The following IL1RAPL1 variants were observed in gnomAD, a reference collection of about 807,000 sequenced individuals.
The protein encoded by IL1RAPL1 is interleukin 1 receptor accessory protein like 1, also known as interleukin-1 receptor accessory protein-like 1.
Under a neutral mutation model 48.4 loss-of-function variants are expected in IL1RAPL1, and 3 were observed. The observed-to-expected ratio is 0.06, with a 90% confidence interval of 0.03 to 0.16. The LOEUF (loss-of-function observed/expected upper bound fraction) is 0.16, where lower values mean the gene tolerates loss of function less well. IL1RAPL1 is among the 10% of genes least tolerant of loss of function. The pLI, the probability that IL1RAPL1 is intolerant of heterozygous loss-of-function variation, is 1.00. For missense variants in IL1RAPL1, 349 were observed against 530.6 expected, an observed-to-expected ratio of 0.66 and a Z score of 3.36; for synonymous variants, 185 against 187.7, an observed-to-expected ratio of 0.99 and a Z score of 0.12.
intron 1 of IL1RAPL1, among the ~76,000 whole-genome samples, chrX:28,788,621 C>A (rs184676944): frequency 1.7e-3 from 163 of 95,943 alleles, no homozygotes; most frequent in African/African-American, 5.5e-3. Context: ...TGCACTCCAC[C>A]ACGCCCAGCT....
At chrX:29,121,314 C>A (rs746976981) in intron 2 of IL1RAPL1, among the ~76,000 whole-genome samples, 1 of 112,091 alleles carries the variant, frequency 8.9e-6, no homozygotes, top group South Asian at 3.7e-4. Flanking sequence ...TCTGCAAAAA[C>A]CCCTGATCAG....
At chrX:29,441,371 A>G (rs1311329715) in intron 5 of IL1RAPL1, among the ~76,000 whole-genome samples, 1 of 112,312 alleles carries the variant, frequency 8.9e-6, no homozygotes, top group Non-Finnish European at 1.9e-5. Flanking sequence ...ATGTTTGTGC[A>G]AACTTCTATC....
chrX:29,869,842 G>A (rs189752356), intron 6 of IL1RAPL1, among the ~76,000 whole-genome samples: 29 of 110,165 alleles, frequency 2.6e-4, no homozygotes, highest in African/African-American at 7.3e-4. Flanking sequence ...GGGGTTCTCT[G>A]AGTACAGCAG....
intron 5 of IL1RAPL1, among the ~76,000 whole-genome samples, chrX:29,590,147 C>T (rs577891248): frequency 1.8e-4 from 20 of 110,897 alleles, no homozygotes; most frequent in South Asian, 7.7e-4. Flanking sequence ...AACTCACTAT[C>T]GCAAGGACAG....
intron 5 of IL1RAPL1, among the ~76,000 whole-genome samples, chrX:29,477,036 G>A (rs1274973205): frequency 9.4e-6 from 1 of 106,194 alleles, no homozygotes; most frequent in African/African-American, 3.5e-5. Context: ...GCCCGCCACC[G>A]CGCCCGGCTA....
intron 3 of IL1RAPL1, among the ~76,000 whole-genome samples, chrX:29,317,061 C>T (rs188684128): frequency 4.9e-4 from 54 of 110,984 alleles, no homozygotes; most frequent in Admixed American, 4.6e-3. Flanking sequence ...CCATTTGTGA[C>T]GGGCTAAGGA....
chrX:29,002,071 T>G (rs1925867716), intron 2 of IL1RAPL1, among the ~76,000 whole-genome samples: 1 of 109,040 alleles, frequency 9.2e-6, no homozygotes, highest in Non-Finnish European at 1.9e-5. Flanking sequence ...AATTTTTTTT[T>G]GTATCTTTTT....
In IL1RAPL1 at chrX:29,697,019, T is replaced by C. The variant is rs976084424; in HGVS notation, c.778+28515T>C. On this transcript the variant is annotated intron_variant, in intron 6 of 10. Transcript: ENST00000378993. The stretch of plus-strand genomic sequence containing the variant: ...GACTTATAGAGAGTTATAAGTGAAG[T>C]CATATTCCAAAGCCTCTGCTGTTTG... Among the ~76,000 whole-genome samples the C allele has an allele frequency of 6.1e-4, 68 of 112,013 alleles. 2 individuals carry two copies. Among genetic ancestry groups the C allele is most frequent in the Non-Finnish European group, 1.1e-4 (6 of 53,233 alleles).
chrX:29,507,309 CCTTCCTCT>C (rs1291418461), intron 5 of IL1RAPL1, among the ~76,000 whole-genome samples: 2 of 78,336 alleles, frequency 2.6e-5, no homozygotes, highest in African/African-American at 9.8e-5. Flanking sequence ...TTCCTTCCTT[CCTTCCTCT>C]CTCTCTCTCC....
At chrX:28,685,343 A>G (rs888461623) in intron 1 of IL1RAPL1, among the ~76,000 whole-genome samples, 4 of 112,481 alleles carry the variant, frequency 3.6e-5, no homozygotes, top group African/African-American at 6.5e-5. Context: ...TTAGCTATTT[A>G]GGCTGATACT....
At chrX:29,697,372 A>G (rs2147113953) in intron 6 of IL1RAPL1, among the ~76,000 whole-genome samples, 1 of 112,593 alleles carries the variant, frequency 8.9e-6, no homozygotes, top group African/African-American at 3.2e-5. Context: ...AAAGGAAAAA[A>G]GGACAAGGTT....
intron 5 of IL1RAPL1, among the ~76,000 whole-genome samples, chrX:29,520,216 C>T (rs1935489190): frequency 8.9e-6 from 1 of 112,032 alleles, no homozygotes; most frequent in Non-Finnish European, 1.9e-5. Context: ...ATAAATTCCC[C>T]TTTGTCACTA....
intron 6 of IL1RAPL1, among the ~76,000 whole-genome samples, chrX:29,908,053 T>TGTAA (rs1216135769): frequency 1.8e-5 from 2 of 111,104 alleles, no homozygotes; most frequent in Non-Finnish European, 3.8e-5. Flanking sequence ...ATAGCTAAAC[T>TGTAA]GTAAGTACAT....
chrX:29,214,735 C>A (rs1455337284), intron 2 of IL1RAPL1, among the ~76,000 whole-genome samples: 1 of 111,439 alleles, frequency 9.0e-6, no homozygotes, highest in Non-Finnish European at 1.9e-5. Context: ...ATAAACTAAA[C>A]CTTCAACTGT....
intron 5 of IL1RAPL1, among the ~76,000 whole-genome samples, chrX:29,523,566 A>G (rs761423225): frequency 8.9e-6 from 1 of 112,023 alleles, no homozygotes; most frequent in Non-Finnish European, 1.9e-5. Context: ...GCTTCAAAAA[A>G]CACACTGAAT....
At chrX:29,651,455 C>A (rs1324758956) in intron 5 of IL1RAPL1, among the ~76,000 whole-genome samples, 1 of 110,637 alleles carries the variant, frequency 9.0e-6, no homozygotes, top group African/African-American at 3.3e-5. Context: ...AATAAGAAAT[C>A]TTGTCATTTG....
chrX:29,839,423 T>C (rs1160358712), intron 6 of IL1RAPL1, among the ~76,000 whole-genome samples: 1 of 112,454 alleles, frequency 8.9e-6, no homozygotes, highest in East Asian at 2.8e-4. Flanking sequence ...TGATATGTCA[T>C]CCCACTGACC....
intron 6 of IL1RAPL1, among the ~76,000 whole-genome samples, chrX:29,867,790 C>A (rs1184458856): frequency 1.8e-5 from 2 of 111,832 alleles, no homozygotes; most frequent in African/African-American, 6.5e-5. Context: ...CATGTTTTAT[C>A]CCTCATCTGT....
At chrX:29,609,155 C>G (rs895750727) in intron 5 of IL1RAPL1, among the ~76,000 whole-genome samples, 5 of 111,508 alleles carry the variant, frequency 4.5e-5, no homozygotes, top group African/African-American at 1.6e-4. Flanking sequence ...TATGTGTAAC[C>G]TCCCGTCAAG....
Sources: gnomAD v4.1 joint callset for allele counts (sites outside exome capture counted in the v4.1 genomes callset) on GRCh38, gnomAD v4.1.1 for gene constraint, MANE v1.5 for transcripts, NCBI Gene and HGNC (gene_info 2026-07-23, HGNC 2026-07-21) for gene names.